PCMTD1: variants seen among roughly 807,000 people sequenced by gnomAD.
PCMTD1 encodes the protein protein-L-isoaspartate (D-aspartate) O-methyltransferase domain containing 1.
A neutral mutation model predicts 37.6 loss-of-function variants in PCMTD1; 12 were observed. The ratio of observed to expected loss-of-function variants is 0.32; its 90% CI spans 0.20 to 0.52. The LOEUF (loss-of-function observed/expected upper bound fraction) is 0.52, where lower values mean the gene tolerates loss of function less well. Ranked by LOEUF, PCMTD1 falls within the 20% of genes least tolerant of loss-of-function variation. The probability of loss-of-function intolerance (pLI) is 0.97; values close to 1 mark genes in which losing one functional copy is unlikely to be tolerated. For synonymous variants in PCMTD1, 117 were observed against 135.8 expected, an observed-to-expected ratio of 0.86 and a Z score of 0.96; for missense variants, 235 against 421.3, an observed-to-expected ratio of 0.56 and a Z score of 3.87.
rs112156334 is a variant in PCMTD1, at chr8:51,819,431, C to G, written c.*920G>C. 1 of 152,224 alleles carries G rather than the reference C, an allele frequency of 6.6e-6. No individual in the cohort carries two copies. The highest frequency in any genetic ancestry group is 2.4e-5 in the African/African-American group (1 of 41,448). The allele number at this position is 152,224 out of a possible 1,614,324, so 9.4% of individuals were successfully genotyped here. On this transcript the variant is annotated 3_prime_UTR_variant, in exon 6 of 6. Coordinates refer to ENST00000522514, the MANE Select transcript of PCMTD1 (RefSeq NM_052937.4). ...AGGTCTACCCTGGCCCTGCTACTTA[C>G]AGCCATCCAAGAAAGTGGCCTCACT...
intron 3 of PCMTD1, chr8:51,839,324 T>C (rs533298021): frequency 1.4e-5 from 5 of 349,556 alleles, no homozygotes; most frequent in Admixed American, 6.5e-5. Context: ...GGAAAAGTAA[T>C]TGACATACTC....
intron 1 of PCMTD1, among the ~76,000 whole-genome samples, chr8:51,873,673 G>A (rs754022430): frequency 2.0e-5 from 3 of 151,962 alleles, no homozygotes; most frequent in South Asian, 2.1e-4. Context: ...GTTCTCCTGC[G>A]ATACGGTATT....
intron 3 of PCMTD1, 155 bp downstream of exon 3, chr8:51,845,506 C>T: frequency 2.7e-5 from 14 of 517,910 alleles, no homozygotes; most frequent in South Asian, 9.6e-5. Context: ...AAAGTTATAC[C>T]ACAGAATAAT....
intron 1 of PCMTD1, among the ~76,000 whole-genome samples, chr8:51,887,801 G>A (rs1339675452): frequency 6.7e-6 from 1 of 150,002 alleles, no homozygotes; most frequent in Non-Finnish European, 1.5e-5. Context: ...GAGTGCAGTG[G>A]CACGATCTCA....
At chr8:51,878,294 T>C (rs1035598035) in intron 1 of PCMTD1, among the ~76,000 whole-genome samples, 12 of 148,702 alleles carry the variant, frequency 8.1e-5, no homozygotes, top group Non-Finnish European at 7.4e-5. Context: ...AGCATTAGTG[T>C]ATTTTACGTG....
chr8:51,898,999 C>A lies in PCMTD1; in HGVS notation c.-165G>T. 1 of 1,511,688 alleles carries A rather than the reference C, an allele frequency of 6.6e-7. No individual in the cohort carries two copies. Among genetic ancestry groups the A allele is most frequent in the Non-Finnish European group, 8.8e-7 (1 of 1,137,158 alleles). The allele number at this position is 1,511,688 out of a possible 1,614,324, so 93.6% of individuals were successfully genotyped here. Reference sequence around the variant, plus strand: ...CGGGGTCCGCAGCAGCCAGACGCCGCTACCACCACAATAACAACACGGACG... The same window carrying A: ...CGGGGTCCGCAGCAGCCAGACGCCGATACCACCACAATAACAACACGGACG... On this transcript the variant is annotated 5_prime_UTR_variant, in exon 1 of 6. Coordinates refer to ENST00000522514, the MANE Select transcript of PCMTD1 (RefSeq NM_052937.4).
intron 5 of PCMTD1, among the ~76,000 whole-genome samples, chr8:51,827,628 C>T (rs558764083): frequency 6.6e-6 from 1 of 152,050 alleles, no homozygotes; most frequent in South Asian, 2.1e-4. Flanking sequence ...GGAACATACC[C>T]CCAAGAAAAA....
intron 2 of PCMTD1, chr8:51,850,069 GA>G (rs1337479073): frequency 2.0e-5 from 14 of 702,220 alleles, no homozygotes; most frequent in Non-Finnish European, 3.6e-5. Flanking sequence ...TTCAGTTGAG[GA>G]CTCTGAGGTC....
intron 1 of PCMTD1, among the ~76,000 whole-genome samples, chr8:51,894,323 G>A (rs1208138975): frequency 1.3e-5 from 2 of 152,116 alleles, no homozygotes; most frequent in Non-Finnish European, 2.9e-5. Flanking sequence ...TTTTGAAAGG[G>A]GCACTGAAGT....
intron 2 of PCMTD1, among the ~76,000 whole-genome samples, chr8:51,847,835 T>TA (rs2038244466): frequency 6.6e-6 from 1 of 151,996 alleles, no homozygotes; most frequent in African/African-American, 2.4e-5. Context: ...CCCAGCACTT[T>TA]GGGAGGCCAA....
At chr8:51,849,923 T>C (rs2038280204) in intron 2 of PCMTD1, 1 of 628,768 alleles carries the variant, frequency 1.6e-6, no homozygotes, top group African/African-American at 1.8e-5. Flanking sequence ...AACCTGAGAG[T>C]TCCACACTGC....
chr8:51,893,684 A>C (rs887670009), intron 1 of PCMTD1, among the ~76,000 whole-genome samples: 1 of 152,250 alleles, frequency 6.6e-6, no homozygotes, highest in Non-Finnish European at 1.5e-5. Flanking sequence ...ATGGAAAGAC[A>C]AAACTGATTT....
At chr8:51,851,721 C>A (rs1396513862) in intron 2 of PCMTD1, among the ~76,000 whole-genome samples, 2 of 151,018 alleles carry the variant, frequency 1.3e-5, no homozygotes, top group African/African-American at 2.4e-5. Flanking sequence ...AATGGCATGA[C>A]CTTGGCTCAC....
At chr8:51,882,035 C>T (rs2038799458) in intron 1 of PCMTD1, among the ~76,000 whole-genome samples, 1 of 146,218 alleles carries the variant, frequency 6.8e-6, no homozygotes, top group South Asian at 2.3e-4. Flanking sequence ...AGTCCAACCC[C>T]AAAACACTTA....
At chr8:51,854,384 A>T (rs1222492605) in intron 2 of PCMTD1, among the ~76,000 whole-genome samples, 3 of 152,198 alleles carry the variant, frequency 2.0e-5, no homozygotes, top group Non-Finnish European at 4.4e-5. Context: ...GGGAAAAAAA[A>T]AATCTAAGAA....
chr8:51,838,336 T>C (rs1012753020), intron 3 of PCMTD1, among the ~76,000 whole-genome samples: 2 of 151,738 alleles, frequency 1.3e-5, no homozygotes, highest in African/African-American at 4.8e-5. Context: ...ATTTTTTTTT[T>C]AAATCAGTTA....
intron 3 of PCMTD1, among the ~76,000 whole-genome samples, chr8:51,836,735 ATTGTT>A (rs1236318013): frequency 6.6e-6 from 1 of 152,106 alleles, no homozygotes; most frequent in African/African-American, 2.4e-5. Context: ...ACTTCTTCTA[ATTGTT>A]TTAATTTTTA....
At chr8:51,831,951 CAT>C (rs146755132) in intron 4 of PCMTD1, among the ~76,000 whole-genome samples, 1,643 of 152,264 alleles carry the variant, frequency 0.011, 18 homozygotes, top group South Asian at 0.019. Flanking sequence ...ATTTTGACTA[CAT>C]GTTGACTTCA....
At chr8:51,824,175 T>C (rs958555613) in intron 5 of PCMTD1, among the ~76,000 whole-genome samples, 3 of 152,138 alleles carry the variant, frequency 2.0e-5, no homozygotes, top group East Asian at 3.9e-4. Context: ...CTATTCAACA[T>C]AGTATTGGAA....
Sources: allele counts gnomAD v4.1 joint callset (sites outside exome capture counted in the v4.1 genomes callset), GRCh38; gene constraint gnomAD v4.1.1; transcripts MANE v1.5; gene names NCBI Gene and HGNC (gene_info 2026-07-23, HGNC 2026-07-21).